The following KCNMA1 variants were observed in gnomAD, a reference collection of about 807,000 sequenced individuals.
KCNMA1 encodes potassium calcium-activated channel subfamily M alpha 1, also known as Calcium-activated potassium channel subunit alpha-1.
In KCNMA1, 29 loss-of-function variants were observed where a neutral mutation model predicts 140.0. The ratio of observed to expected loss-of-function variants is 0.21; its 90% CI spans 0.15 to 0.28. KCNMA1 has a LOEUF of 0.28. KCNMA1 is among the 10% of genes least tolerant of loss of function. The pLI, the probability that KCNMA1 is intolerant of heterozygous loss-of-function variation, is 1.00. For missense variants in KCNMA1, 880 were observed against 1,602.2 expected (o/e 0.55, Z 7.70); for synonymous variants, 612 against 611.9 (o/e 1.00, Z 0.00).
intron 1 of KCNMA1, among the ~76,000 whole-genome samples, chr10:77,419,325 A>C (rs1429695170): frequency 6.6e-6 from 1 of 152,224 alleles, no homozygotes; most frequent in Non-Finnish European, 1.5e-5. Context: ...CCACGTCTCC[A>C]TAACAACTAA....
At chr10:77,256,592 G>C (rs537988145) in intron 2 of KCNMA1, among the ~76,000 whole-genome samples, 1 of 152,142 alleles carries the variant, frequency 6.6e-6, no homozygotes, top group South Asian at 2.1e-4. Flanking sequence ...TTAGAGAATC[G>C]TGCTAGGAGT....
Position 77,012,063 on chromosome 10 carries a change from A to G in KCNMA1, c.2016-20T>C. The G allele has an allele frequency of 1.2e-6, 2 of 1,613,472 alleles. No homozygotes were observed. The highest frequency in any genetic ancestry group is 1.1e-5 in the South Asian group (1 of 91,064). On this transcript the variant is annotated intron_variant, in intron 17 of 27. Coordinates refer to ENST00000286628, the MANE Select transcript of KCNMA1 (RefSeq NM_001161352.2). ...AATGCCCTGGAGAAAGAGAATGGAA[A>G]AACTGACACGTTTCATAATCCACCC...
chr10:77,161,366 G>T (rs1278679621), intron 5 of KCNMA1, among the ~76,000 whole-genome samples: 1 of 151,998 alleles, frequency 6.6e-6, no homozygotes, highest in East Asian at 1.9e-4. Flanking sequence ...TCCTGCCTCA[G>T]CTTCCCAAGT....
intron 16 of KCNMA1, 123 bp from the exon 17 acceptor site, chr10:77,019,222 A>G (rs2092545614): frequency 1.5e-6 from 1 of 687,782 alleles, no homozygotes; most frequent in Non-Finnish European, 2.6e-6. Context: ...AGCTTTCCCC[A>G]AAGATTTTGT....
chr10:77,017,145 T>C (rs1199712679), intron 17 of KCNMA1, among the ~76,000 whole-genome samples: 2 of 152,192 alleles, frequency 1.3e-5, no homozygotes. Context: ...AGGTAATTTG[T>C]TTTTTGGACG....
intron 5 of KCNMA1, among the ~76,000 whole-genome samples, chr10:77,182,982 T>A (rs1301530299): frequency 5.3e-5 from 8 of 152,132 alleles, no homozygotes; most frequent in Non-Finnish European, 1.0e-4. Flanking sequence ...ACCTTGTACC[T>A]ATAAATAGAC....
intron 2 of KCNMA1, among the ~76,000 whole-genome samples, chr10:77,287,215 C>T (rs996587408): frequency 1.3e-5 from 2 of 152,206 alleles, no homozygotes; most frequent in Non-Finnish European, 2.9e-5. Context: ...GAGTCCTCTC[C>T]GTGCACTGAG....
At chr10:77,190,265 T>C (rs2098928585) in intron 3 of KCNMA1, among the ~76,000 whole-genome samples, 2 of 152,234 alleles carry the variant, frequency 1.3e-5, no homozygotes, top group South Asian at 4.1e-4. Flanking sequence ...TATTCTTCAA[T>C]TCAATGTAAT....
intron 3 of KCNMA1, among the ~76,000 whole-genome samples, chr10:77,205,474 G>A (rs1020400359): frequency 6.6e-6 from 1 of 152,230 alleles, no homozygotes; most frequent in Non-Finnish European, 1.5e-5. Flanking sequence ...GAGTGTGGGT[G>A]AGGATTTTAA....
At position 77,323,459 on chromosome 10, in the gene KCNMA1, T is replaced by C. The variant is rs144778510; in HGVS notation, c.541-72203A>G. ...TGGTAAACTGTGCCCTTTCTATCCA[T>C]GCCAGCTTGGGAACCCAGTTGAGAG... On this transcript the variant is annotated intron_variant, in intron 2 of 27. Coordinates refer to ENST00000286628, the MANE Select transcript of KCNMA1 (RefSeq NM_001161352.2). 2.1e-3 allele frequency among the ~76,000 whole-genome samples: 323 copies of C among 152,306 alleles called. 1 individual carries two copies. The highest frequency in any genetic ancestry group is 7.2e-3 in the African/African-American group (300 of 41,574).
chr10:77,100,370 T>C (rs1177418010), intron 9 of KCNMA1, among the ~76,000 whole-genome samples: 1 of 151,986 alleles, frequency 6.6e-6, no homozygotes, highest in Non-Finnish European at 1.5e-5. Context: ...GTTAGAAAGG[T>C]ACAAGGAGGG....
intron 23 of KCNMA1, among the ~76,000 whole-genome samples, chr10:76,935,348 T>C (rs2060287184): frequency 6.6e-6 from 1 of 152,220 alleles, no homozygotes; most frequent in Non-Finnish European, 1.5e-5. Flanking sequence ...AGTACATGTA[T>C]AGCTTCAGGC....
intron 14 of KCNMA1, among the ~76,000 whole-genome samples, chr10:77,046,345 T>C (rs2153608126): frequency 6.6e-6 from 1 of 152,300 alleles, no homozygotes; most frequent in South Asian, 2.1e-4. Context: ...GACTGGCATA[T>C]CTTAGATGCC....
chr10:77,503,957 A>T (rs1196236186), intron 1 of KCNMA1, among the ~76,000 whole-genome samples: 1 of 152,096 alleles, frequency 6.6e-6, no homozygotes, highest in Non-Finnish European at 1.5e-5. Context: ...AACATGTGAC[A>T]TGTCCAATGT....
intron 1 of KCNMA1, among the ~76,000 whole-genome samples, chr10:77,515,332 A>G (rs1481395814): frequency 2.0e-5 from 3 of 152,080 alleles, no homozygotes; most frequent in African/African-American, 7.2e-5. Context: ...AGCAATCCAG[A>G]TTTTTATCCA....
At chr10:76,989,611 G>A (rs1456444126) in intron 19 of KCNMA1, among the ~76,000 whole-genome samples, 2 of 152,148 alleles carry the variant, frequency 1.3e-5, no homozygotes, top group African/African-American at 4.8e-5. Context: ...GGGAGATATA[G>A]CTGTCTCTTG....
At chr10:77,573,933 G>T (rs1360105726) in intron 1 of KCNMA1, among the ~76,000 whole-genome samples, 2 of 151,406 alleles carry the variant, frequency 1.3e-5, no homozygotes, top group African/African-American at 2.4e-5. Context: ...CGCCTCCCAG[G>T]CTCAAGTGAT....
chr10:77,134,251 A>T (rs1052993772), intron 5 of KCNMA1, among the ~76,000 whole-genome samples: 5 of 152,188 alleles, frequency 3.3e-5, no homozygotes, highest in African/African-American at 7.2e-5. Flanking sequence ...AAAATTCTGC[A>T]TGTTTAAAAT....
intron 1 of KCNMA1, among the ~76,000 whole-genome samples, chr10:77,478,973 T>C (rs563808154): frequency 1.4e-4 from 21 of 152,340 alleles, no homozygotes; most frequent in African/African-American, 5.1e-4. Flanking sequence ...GCACATATTC[T>C]AGGATCTCGG....
Sources: allele counts gnomAD v4.1 joint callset (sites outside exome capture counted in the v4.1 genomes callset), GRCh38; gene constraint gnomAD v4.1.1; transcripts MANE v1.5; gene names NCBI Gene and HGNC (gene_info 2026-07-23, HGNC 2026-07-21).